Variants in STAU2 observed in about 807,000 individuals in gnomAD.
The protein encoded by STAU2 is double-stranded RNA-binding protein Staufen homolog 2.
In STAU2, 20 loss-of-function variants were observed where a neutral mutation model predicts 65.9. That is an observed-to-expected ratio of 0.30 (90% CI 0.21 to 0.44). STAU2 has a LOEUF of 0.44. Among genes scored for constraint, STAU2 ranks in the 20% least tolerant of loss-of-function variants. STAU2 has a pLI of 1.00. For synonymous variants in STAU2, 232 were observed against 233.9 expected, an observed-to-expected ratio of 0.99 and a Z score of 0.07; for missense variants, 558 against 683.9, an observed-to-expected ratio of 0.82 and a Z score of 2.05.
At chr8:73,531,361 G>C (rs1418127553) in intron 13 of STAU2, among the ~76,000 whole-genome samples, 1 of 152,142 alleles carries the variant, frequency 6.6e-6, no homozygotes, top group Admixed American at 6.5e-5. Flanking sequence ...ACGGAGGAAG[G>C]GGGTGACTGG....
intron 11 of STAU2, among the ~76,000 whole-genome samples, chr8:73,592,171 CTAAT>C (rs1009931043): frequency 6.6e-6 from 1 of 151,126 alleles, no homozygotes; most frequent in African/African-American, 2.4e-5. Flanking sequence ...CAACTAAAAC[CTAAT>C]TGTTTGAAAA....
At chr8:73,535,977 TA>T (rs200198333) in intron 13 of STAU2, among the ~76,000 whole-genome samples, 68 of 151,972 alleles carry the variant, frequency 4.5e-4, no homozygotes, top group Admixed American at 1.6e-3. Flanking sequence ...TTAATTTTTT[TA>T]AAAAAAATAT....
At chr8:73,717,376 C>G (rs28862582) in intron 3 of STAU2, among the ~76,000 whole-genome samples, 30,740 of 151,894 alleles carry the variant, frequency 0.2, 3,470 homozygotes, top group East Asian at 0.37. Context: ...CTCCTGTTTT[C>G]TTCCACGAAC....
At chr8:73,726,164 T>G (rs1805612116) in intron 3 of STAU2, among the ~76,000 whole-genome samples, 1 of 152,174 alleles carries the variant, frequency 6.6e-6, no homozygotes, top group South Asian at 2.1e-4. Flanking sequence ...TTATTCTAAC[T>G]GAAATAACTC....
At chr8:73,472,563 C>G (rs897819911) in intron 13 of STAU2, among the ~76,000 whole-genome samples, 92 of 152,174 alleles carry the variant, frequency 6.0e-4, no homozygotes, top group African/African-American at 2.1e-3. Context: ...TAATTACCAG[C>G]TTTACAAAAG....
intron 3 of STAU2, among the ~76,000 whole-genome samples, chr8:73,733,616 G>A (rs1363057310): frequency 2.0e-5 from 3 of 152,168 alleles, no homozygotes; most frequent in African/African-American, 2.4e-5. Context: ...AAAATTATCA[G>A]AGGGCATAAT....
At chr8:73,736,463 T>C (rs1257914112) in intron 3 of STAU2, among the ~76,000 whole-genome samples, 2 of 152,212 alleles carry the variant, frequency 1.3e-5, no homozygotes, top group East Asian at 1.9e-4. Flanking sequence ...TGACTATAAC[T>C]ACAAATGTCA....
Position 73,657,976 on chromosome 8 carries a change from T to C in STAU2, c.410+15131A>G, listed in dbSNP as rs1816508618. 2.0e-5 allele frequency among the ~76,000 whole-genome samples: 3 copies of C among 151,606 alleles called. No individual in the cohort carries two copies. In the South Asian group the frequency reaches 6.2e-4, roughly 32 times the overall value. On this transcript the variant is annotated intron_variant, in intron 6 of 14. Transcript: ENST00000524300. ...TTGCAGTGAACCAAGATTGCACCAC[T>C]GCACTCCAGCTTGGCGACAGAGCAA...
intron 14 of STAU2, 134 bp from the exon 15 acceptor site, chr8:73,421,599 T>C: frequency 1.3e-6 from 1 of 770,012 alleles, no homozygotes; most frequent in Non-Finnish European, 2.1e-6. Context: ...ACAATATTTA[T>C]GTTCAGATAG....
intron 6 of STAU2, among the ~76,000 whole-genome samples, chr8:73,631,999 G>A (rs897555724): frequency 6.8e-6 from 1 of 146,184 alleles, no homozygotes; most frequent in Non-Finnish European, 1.5e-5. Context: ...AAGAAGGGGG[G>A]AGGAGAGGGA....
chr8:73,481,238 A>G (rs1820599353), intron 13 of STAU2, among the ~76,000 whole-genome samples: 1 of 151,920 alleles, frequency 6.6e-6, no homozygotes, highest in Non-Finnish European at 1.5e-5. Context: ...ACACATTTTT[A>G]CCACCTAGAA....
At chr8:73,741,101 C>T (rs892324095) in intron 1 of STAU2, among the ~76,000 whole-genome samples, 41 of 149,842 alleles carry the variant, frequency 2.7e-4, no homozygotes, top group African/African-American at 9.6e-4. Context: ...GTCAGGAGAT[C>T]GAGACCATCC....
intron 12 of STAU2, among the ~76,000 whole-genome samples, chr8:73,565,658 A>G (rs1193187658): frequency 6.6e-6 from 1 of 152,208 alleles, no homozygotes; most frequent in Non-Finnish European, 1.5e-5. Flanking sequence ...CACCACCACC[A>G]TGACTGCTAT....
At chr8:73,510,903 T>C (rs1822360878) in intron 13 of STAU2, among the ~76,000 whole-genome samples, 1 of 152,254 alleles carries the variant, frequency 6.6e-6, no homozygotes, top group Non-Finnish European at 1.5e-5. Context: ...AATTGATATT[T>C]AGAAGCTCTT....
At chr8:73,625,238 TG>T (rs1813548746) in intron 6 of STAU2, among the ~76,000 whole-genome samples, 1 of 152,106 alleles carries the variant, frequency 6.6e-6, no homozygotes, top group African/African-American at 2.4e-5. Context: ...AAATGAAAAC[TG>T]GGGTTCAAAC....
chr8:73,556,434 G>A (rs73328717), intron 12 of STAU2, among the ~76,000 whole-genome samples: 1 of 152,112 alleles, frequency 6.6e-6, no homozygotes, highest in African/African-American at 2.4e-5. Context: ...AAAGTATCTT[G>A]TTTCCTATTT....
chr8:73,517,093 G>A (rs751244213), intron 13 of STAU2, among the ~76,000 whole-genome samples: 70 of 152,064 alleles, frequency 4.6e-4, no homozygotes, highest in Non-Finnish European at 7.9e-4. Flanking sequence ...AATTTAGAGG[G>A]GACACTAAGA....
intron 13 of STAU2, among the ~76,000 whole-genome samples, chr8:73,510,825 T>C (rs1822355023): frequency 1.3e-5 from 2 of 152,128 alleles, no homozygotes; most frequent in Admixed American, 6.5e-5. Context: ...TCCCACGACA[T>C]GTGGGGATTA....
At chr8:73,526,620 G>A (rs1043389828) in intron 13 of STAU2, among the ~76,000 whole-genome samples, 1 of 152,166 alleles carries the variant, frequency 6.6e-6, no homozygotes, top group Admixed American at 6.5e-5. Context: ...TTCTGTACAT[G>A]AATGGCTAAT....
Sources: allele counts gnomAD v4.1 joint callset (sites outside exome capture counted in the v4.1 genomes callset), GRCh38; gene constraint gnomAD v4.1.1; transcripts MANE v1.5; gene names NCBI Gene and HGNC (gene_info 2026-07-23, HGNC 2026-07-21).